The following SMIM23 variants were observed in gnomAD, a reference collection of about 807,000 sequenced individuals.
The protein encoded by SMIM23 is CTB-78H18.1.
A neutral mutation model predicts 12.8 loss-of-function variants in SMIM23; 10 were observed. The observed-to-expected ratio is 0.78, with a 90% CI of 0.48 to 1.32. The LOEUF is 1.32. Ranked by LOEUF, SMIM23 falls within the 40% of genes most tolerant of loss-of-function variation. The probability of loss-of-function intolerance (pLI) is 0.00; values close to 1 mark genes in which losing one functional copy is unlikely to be tolerated. For missense variants in SMIM23, 184 were observed against 198.2 expected (o/e 0.93, Z 0.43); for synonymous variants, 78 against 80.1 (o/e 0.97, Z 0.14).
At chr5:171,775,602 T>C in the SMIM23 span, among the ~76,000 whole-genome samples, 1 of 152,140 alleles carries the variant, frequency 6.6e-6, no homozygotes, top group Non-Finnish European at 1.5e-5. Flanking sequence ...CAGTAGATGT[T>C]AAGAACTCAG....
chr5:171,790,666 G>A (rs767271569), intron 3 of SMIM23, 117 bp downstream of exon 3: 12 of 1,374,424 alleles, frequency 8.7e-6, no homozygotes, highest in African/African-American at 5.7e-5. Context: ...GCAGAAGGTG[G>A]GAACAGGTAC....
rs751194583 is a variant in SMIM23 at position 171,790,489 on chromosome 5, T to C, written c.165T>C (p.Ser55=). 173 of 1,536,540 alleles carry C rather than the reference T, an allele frequency of 1.1e-4. No homozygotes were observed. Among genetic ancestry groups the C allele is most frequent in the Middle Eastern group, 3.3e-4 (2 of 6,016 alleles). The change falls in exon 3 of 4, where the codon AGT becomes AGC. Residue 55 remains serine (S), a synonymous_variant. Transcript: ENST00000523047. The part of the protein sequence containing the change: ...LYLSTEIWGS[S]WEVSERIREC... ...TGTTTGTGCCTGTTTCAGGAAGCAG[T>C]TGGGAGGTGTCAGAAAGGATCAGAG...
At chr5:171,786,097 A>T (rs1755812136) in intron 1 of SMIM23, 121 bp downstream of exon 1, 1 of 764,672 alleles carries the variant, frequency 1.3e-6, no homozygotes, top group South Asian at 1.7e-5. Flanking sequence ...CCTGGATCCC[A>T]CTCTGATGGA....
upstream of SMIM23, among the ~76,000 whole-genome samples, chr5:171,781,544 C>CA (rs201233573): frequency 6.6e-6 from 1 of 152,030 alleles, no homozygotes; most frequent in African/African-American, 2.4e-5. Flanking sequence ...AGTGCCCCCC[C>CA]CCGTCTCTAG....
the SMIM23 span, among the ~76,000 whole-genome samples, chr5:171,774,109 G>T: frequency 6.6e-6 from 1 of 152,328 alleles, no homozygotes; most frequent in East Asian, 1.9e-4. Flanking sequence ...CATTTGTAAG[G>T]ATTGGGTGAG....
upstream of SMIM23, among the ~76,000 whole-genome samples, chr5:171,779,683 T>C (rs1480480708): frequency 1.3e-5 from 2 of 152,160 alleles, no homozygotes; most frequent in Admixed American, 1.3e-4. Flanking sequence ...TATAAACTCT[T>C]TGCAATCTTA....
upstream of SMIM23, among the ~76,000 whole-genome samples, chr5:171,785,656 C>A (rs1435403063): frequency 2.0e-5 from 3 of 152,174 alleles, no homozygotes; most frequent in Non-Finnish European, 4.4e-5. Flanking sequence ...TGATGCATTT[C>A]TTCCTGATCT....
chr5:171,787,212 G>T (rs911075617), intron 1 of SMIM23, among the ~76,000 whole-genome samples: 3 of 151,776 alleles, frequency 2.0e-5, no homozygotes, highest in Non-Finnish European at 4.4e-5. Context: ...TAGAGACAGG[G>T]TTTCGCCATA....
intron 1 of SMIM23, among the ~76,000 whole-genome samples, chr5:171,786,732 C>G (rs989268104): frequency 6.6e-6 from 1 of 152,162 alleles, no homozygotes; most frequent in Non-Finnish European, 1.5e-5. Flanking sequence ...GACCTTGTAG[C>G]GTATAACAGG....
At chr5:171,773,958 G>A in the SMIM23 span, 1 of 404,338 alleles carries the variant, frequency 2.5e-6, no homozygotes, top group Admixed American at 3.1e-5. Context: ...GGCCTTGAAT[G>A]GTGAGTAGAA....
chr5:171,785,177 CAA>C (rs1288329149), upstream of SMIM23, among the ~76,000 whole-genome samples: 2 of 152,084 alleles, frequency 1.3e-5, no homozygotes, highest in South Asian at 2.1e-4. Context: ...CACACACACA[CAA>C]ATGAGAACAA....
At chr5:171,785,535 C>T (rs1228333246), upstream of SMIM23, among the ~76,000 whole-genome samples, 1 of 152,042 alleles carries the variant, frequency 6.6e-6, no homozygotes, top group African/African-American at 2.4e-5. Context: ...CAGGTGTGAG[C>T]CACTGCACCC....
chr5:171,782,351 T>C (rs1484178905), upstream of SMIM23: 3 of 152,236 alleles, frequency 2.0e-5, no homozygotes, highest in Admixed American at 6.5e-5. Flanking sequence ...TAGCTGAAAC[T>C]ACATTAACTC....
chr5:171,775,614 C>T, the SMIM23 span, among the ~76,000 whole-genome samples: 1 of 152,112 alleles, frequency 6.6e-6, no homozygotes, highest in Admixed American at 6.5e-5. Flanking sequence ...AGAACTCAGG[C>T]CCTGGAGTTG....
chr5:171,781,470 A>G (rs1054649702), upstream of SMIM23, among the ~76,000 whole-genome samples: 9 of 151,054 alleles, frequency 6.0e-5, no homozygotes, highest in African/African-American at 2.2e-4. Flanking sequence ...ATCAGACACC[A>G]CCTCCGCAAG....
chr5:171,774,322 A>C, the SMIM23 span: 6 of 439,298 alleles, frequency 1.4e-5, no homozygotes, highest in Admixed American at 1.2e-4. Flanking sequence ...ATAGACAGTA[A>C]TGTTGTTCCT....
In SMIM23 at chr5:171,790,226, C is replaced by G. The variant is rs1581076426; in HGVS notation, c.106-4C>G. The stretch of plus-strand genomic sequence containing the variant: ...TTCCTCCTCTTCCTCTTCTTGCACC[C>G]TAGACGCTGTTGGCATTGCTGATCT... On this transcript the variant is annotated splice_region_variant and splice_polypyrimidine_tract_variant and intron_variant, in intron 1 of 3. Transcript: ENST00000523047. The G allele has an allele frequency of 6.5e-7, 1 of 1,536,114 alleles. No homozygotes were observed. The highest frequency in any genetic ancestry group is 1.4e-5 in the African/African-American group (1 of 73,164).
At chr5:171,789,216 A>G (rs1271661626) in intron 1 of SMIM23, among the ~76,000 whole-genome samples, 2 of 152,254 alleles carry the variant, frequency 1.3e-5, no homozygotes, top group Admixed American at 6.5e-5. Flanking sequence ...ATCACATGAT[A>G]TATAAAAAGG....
Position 171,790,942 on chromosome 5 carries a change from C to T in SMIM23, c.373C>T (p.Leu125=). ...GCTAGCGTGGGACCTGGAACTGTGG[C>T]TGGATGCTCTTCTGGGAGAGCCACA... ...EQLAWDLELW[L]DALLGEPHQE... The change falls in exon 4 of 4, where the codon CTG becomes TTG. Residue 125 remains leucine (L), a synonymous_variant. Coordinates refer to ENST00000523047, the MANE Select transcript of SMIM23 (RefSeq NM_001289970.2). The T allele has an allele frequency of 6.5e-7, 1 of 1,536,054 alleles. No homozygotes were observed. Among genetic ancestry groups the T allele is most frequent in the Non-Finnish European group, 8.7e-7 (1 of 1,146,912 alleles).
Sources: allele counts gnomAD v4.1 joint callset (sites outside exome capture counted in the v4.1 genomes callset), GRCh38; gene constraint gnomAD v4.1.1; transcripts MANE v1.5; gene names NCBI Gene and HGNC (gene_info 2026-07-23, HGNC 2026-07-21).